Variants in FANCL observed in about 807,000 individuals in gnomAD.
FANCL encodes the protein FA complementation group L.
Under a neutral mutation model 59.4 loss-of-function variants are expected in FANCL, and 69 were observed. That is an observed-to-expected ratio of 1.16 (90% CI 0.96 to 1.42). FANCL has a LOEUF of 1.42. FANCL is among the 40% of genes most tolerant of loss of function. FANCL has a pLI of 0.00. For synonymous variants in FANCL, 180 were observed against 147.1 expected (o/e 1.22, Z -1.62); for missense variants, 519 against 447.2 (o/e 1.16, Z -1.45).
chr2:58,229,747 T>C (rs995111240), intron 3 of FANCL, 67 bp downstream of exon 3: 2 of 1,216,544 alleles, frequency 1.6e-6, no homozygotes, highest in Non-Finnish European at 2.4e-6. Flanking sequence ...AGCAGGTCTT[T>C]AAAGAACAAT....
At position 58,159,337 on chromosome 2, in the gene FANCL, T is replaced by C; in HGVS notation, c.*428A>G. 2 of 1,580,794 alleles carry C rather than the reference T, an allele frequency of 1.3e-6. No homozygotes were observed. Among genetic ancestry groups the C allele is most frequent in the Non-Finnish European group, 1.7e-6 (2 of 1,166,432 alleles). On this transcript the variant is annotated 3_prime_UTR_variant, in exon 14 of 14. Coordinates refer to ENST00000233741, the MANE Select transcript of FANCL (RefSeq NM_018062.4). ...TCTAACAAACTAAACTATATATGTA[T>C]TTTTTCCATAGGAAAGCACAAGGAG... is the stretch of plus-strand genomic sequence containing the variant.
intron 1 of FANCL, among the ~76,000 whole-genome samples, chr2:58,236,050 CAAA>C (rs767983260): frequency 1.2e-5 from 1 of 84,082 alleles, no homozygotes; most frequent in Non-Finnish European, 2.6e-5. Context: ...AAAGGAGGAA[CAAA>C]AAAAAAAAAA....
chr2:58,221,360 C>T (rs1319808952), intron 5 of FANCL, among the ~76,000 whole-genome samples: 1 of 152,032 alleles, frequency 6.6e-6, no homozygotes, highest in African/African-American at 2.4e-5. Flanking sequence ...CATACTTTTT[C>T]CAGGTGGTAT....
chr2:58,165,370 T>C (rs570795184), intron 8 of FANCL, among the ~76,000 whole-genome samples: 3 of 152,308 alleles, frequency 2.0e-5, no homozygotes, highest in Admixed American at 6.5e-5. Flanking sequence ...TCTGAGAAGA[T>C]TGTAAGCTTC....
rs778622855 is a variant in FANCL, at chr2:58,161,526, T to A, written c.1016A>T (p.Tyr339Phe). Residue 339 changes from tyrosine (Y) to phenylalanine (F), a missense_variant, in exon 12 of 14, where the codon TAT becomes TTT. Physicochemically the swap from Tyr to Phe is conservative, Grantham distance 22 (BLOSUM62 3). Coordinates refer to ENST00000233741, the MANE Select transcript of FANCL (RefSeq NM_018062.4). ...CGQPFHQICLYEWLRGLLTSR... is the reference protein window; with the variant it reads ...CGQPFHQICLFEWLRGLLTSR... ...GACAATATTTTTATTTTTTACCTCATATAAGCATATTTGATGGAAAGGTTG... is the reference window on the plus strand; with the variant it reads ...GACAATATTTTTATTTTTTACCTCAAATAAGCATATTTGATGGAAAGGTTG... 1 of 1,579,502 alleles carries A rather than the reference T, an allele frequency of 6.3e-7. No individual in the cohort carries two copies. The highest frequency in any genetic ancestry group is 1.7e-5 in the Admixed American group (1 of 59,884).
At chr2:58,213,919 G>A (rs1691438063) in intron 5 of FANCL, among the ~76,000 whole-genome samples, 1 of 152,126 alleles carries the variant, frequency 6.6e-6, no homozygotes, top group Non-Finnish European at 1.5e-5. Context: ...GGTAGTTGGG[G>A]AGAATTTATT....
Position 58,159,503 on chromosome 2 carries a change from G to C in FANCL, c.*262C>G. Reference sequence around the variant, plus strand: ...AGTCCAGATATATTCAAGAAGTCAAGATCTCCATCTTGGTATAAATACACT... The same window carrying C: ...AGTCCAGATATATTCAAGAAGTCAACATCTCCATCTTGGTATAAATACACT... On this transcript the variant is annotated 3_prime_UTR_variant, in exon 14 of 14. Transcript: ENST00000233741. 1 of 1,613,654 alleles carries C rather than the reference G, an allele frequency of 6.2e-7. No individual in the cohort carries two copies. Among genetic ancestry groups the C allele is most frequent in the African/African-American group, 1.3e-5 (1 of 74,988 alleles).
At chr2:58,235,481 C>T (rs72618695) in intron 1 of FANCL, among the ~76,000 whole-genome samples, 9 of 151,922 alleles carry the variant, frequency 5.9e-5, no homozygotes, top group Non-Finnish European at 1.3e-4. Flanking sequence ...TGCTTAAAAG[C>T]TTAAAGCTTA....
chr2:58,182,692 C>T (rs1435591240), intron 7 of FANCL, among the ~76,000 whole-genome samples: 1 of 151,652 alleles, frequency 6.6e-6, no homozygotes, highest in African/African-American at 2.4e-5. Context: ...TCACTTACAT[C>T]ACATCAGGTT....
At chr2:58,227,843 G>A (rs1051517303) in intron 3 of FANCL, among the ~76,000 whole-genome samples, 1 of 151,922 alleles carries the variant, frequency 6.6e-6, no homozygotes, top group Non-Finnish European at 1.5e-5. Context: ...CCGCCCTTCT[G>A]TATCACTACT....
chr2:58,217,792 A>G (rs941157726), intron 5 of FANCL, among the ~76,000 whole-genome samples: 1 of 145,788 alleles, frequency 6.9e-6, no homozygotes, highest in Non-Finnish European at 1.5e-5. Context: ...ACAAGCGGAC[A>G]AAAAAAAAAA....
intron 2 of FANCL, among the ~76,000 whole-genome samples, chr2:58,230,996 C>A (rs1406453168): frequency 6.6e-6 from 1 of 152,196 alleles, no homozygotes; most frequent in Non-Finnish European, 1.5e-5. Context: ...TCTGCCACCA[C>A]ACAAAACTTA....
At chr2:58,165,583 G>C in intron 8 of FANCL, 141 bp downstream of exon 8, 1 of 948,448 alleles carries the variant, frequency 1.1e-6, no homozygotes, top group Non-Finnish European at 1.6e-6. Context: ...TAAATGTGTA[G>C]CCAAAAAAAA....
In FANCL at chr2:58,172,785, G is replaced by A. The variant is rs144960637; in HGVS notation, c.541-6911C>T. On this transcript the variant is annotated intron_variant, in intron 7 of 13. Coordinates refer to ENST00000233741, the MANE Select transcript of FANCL (RefSeq NM_018062.4). ...ACCAGCAATGGAACAAAGCTGGACA[G>A]AGAATGACTTTGACGAGTTGAGAGA... 1.0e-3 allele frequency among the ~76,000 whole-genome samples: 158 copies of A among 152,346 alleles called. 1 individual carries two copies. In the East Asian group the frequency reaches 0.024, roughly 23 times the overall value.
At chr2:58,172,389 T>G (rs1418439389) in intron 7 of FANCL, among the ~76,000 whole-genome samples, 1 of 152,156 alleles carries the variant, frequency 6.6e-6, no homozygotes, top group Non-Finnish European at 1.5e-5. Flanking sequence ...GGCCAGGTAC[T>G]CCTCTGAGAC....
At chr2:58,177,831 T>G (rs921182005) in intron 7 of FANCL, among the ~76,000 whole-genome samples, 1 of 138,194 alleles carries the variant, frequency 7.2e-6, no homozygotes, top group East Asian at 2.2e-4. Flanking sequence ...AAAACCCAAA[T>G]AGACCGCTAG....
intron 5 of FANCL, among the ~76,000 whole-genome samples, chr2:58,204,908 A>G (rs936563951): frequency 2.0e-5 from 3 of 152,110 alleles, no homozygotes; most frequent in African/African-American, 7.2e-5. Flanking sequence ...ATTTTCTACA[A>G]TGGAAACCAA....
Position 58,163,276 on chromosome 2 carries a change from G to A in FANCL, c.775+158C>T, listed in dbSNP as rs144838391. 134 of 725,674 alleles carry A rather than the reference G, an allele frequency of 1.8e-4. 2 individuals carry two copies. The East Asian group carries it at 2.8e-3, about 15-fold the overall frequency. 45.0% of individuals were successfully genotyped at this position (725,674 alleles called of 1,614,324 possible). A position where few individuals can be genotyped will look rare whatever the true frequency, so the allele number is the denominator to read the frequency against. ...ATCATTATTGCGGTGAACCGAGATC[G>A]CGCCATTACACTACATACTGGGCAA... is the stretch of plus-strand genomic sequence containing the variant. On this transcript the variant is annotated intron_variant, in intron 9 of 13. Coordinates refer to ENST00000233741, the MANE Select transcript of FANCL (RefSeq NM_018062.4).
At chr2:58,161,027 C>A (rs1295615431) in intron 12 of FANCL, among the ~76,000 whole-genome samples, 1 of 151,990 alleles carries the variant, frequency 6.6e-6, no homozygotes, top group Middle Eastern at 3.2e-3. Flanking sequence ...TGCCTGAGTG[C>A]TGTGAGACTC....
Sources: allele counts gnomAD v4.1 joint callset (sites outside exome capture counted in the v4.1 genomes callset), GRCh38; gene constraint gnomAD v4.1.1; transcripts MANE v1.5; gene names NCBI Gene and HGNC (gene_info 2026-07-23, HGNC 2026-07-21).